The following NSD1 variants were observed in gnomAD, a reference collection of about 807,000 sequenced individuals.
The protein encoded by NSD1 is histone-lysine N-methyltransferase, H3 lysine-36 specific.
Under a neutral mutation model 242.7 loss-of-function variants are expected in NSD1, and 26 were observed. The observed-to-expected ratio is 0.11, with a 90% confidence interval of 0.08 to 0.15. The LOEUF is 0.15. Among genes scored for constraint, NSD1 ranks in the 10% least tolerant of loss-of-function variants. The pLI, the probability that NSD1 is intolerant of heterozygous loss-of-function variation, is 1.00. For missense variants in NSD1, 2,495 were observed against 3,272.8 expected (o/e 0.76, Z 5.80); for synonymous variants, 1,106 against 1,178.1 (o/e 0.94, Z 1.25).
intron 11 of NSD1, among the ~76,000 whole-genome samples, chr5:177,249,992 A>G (rs1451653407): frequency 6.6e-6 from 1 of 152,178 alleles, no homozygotes; most frequent in Non-Finnish European, 1.5e-5. Context: ...GGCTGAGGTC[A>G]TTGGATCACC....
At chr5:177,226,834 A>G (rs1016540873) in intron 5 of NSD1, among the ~76,000 whole-genome samples, 8 of 152,248 alleles carry the variant, frequency 5.3e-5, no homozygotes, top group East Asian at 3.9e-4. Context: ...TGAGTAAAGT[A>G]TGAAATTTTG....
intron 20 of NSD1, among the ~76,000 whole-genome samples, chr5:177,284,454 T>G (rs1418150195): frequency 1.3e-5 from 2 of 151,980 alleles, no homozygotes; most frequent in Non-Finnish European, 2.9e-5. Flanking sequence ...TTTTGTTTTT[T>G]GTTTTTTTTT....
chr5:177,205,528 G>T (rs1282180382), intron 4 of NSD1, among the ~76,000 whole-genome samples: 1 of 150,494 alleles, frequency 6.6e-6, no homozygotes, highest in Non-Finnish European at 1.5e-5. Context: ...TTTTTATTGT[G>T]TTAAAATATA....
In NSD1 at chr5:177,294,039, C is replaced by T. The variant is rs2127279719; in HGVS notation, c.6671C>T (p.Pro2224Leu). 1 of 1,614,092 alleles carries T rather than the reference C, an allele frequency of 6.2e-7. No homozygotes were observed. The highest frequency in any genetic ancestry group is 1.1e-5 in the South Asian group (1 of 91,082). Residue 2224 changes from proline (P) to leucine (L), a missense_variant, in exon 23 of 23, where the codon CCC becomes CTC. Physicochemically the swap from Pro to Leu is moderately conservative, Grantham distance 98. This residue lies in a region of NSD1 where 475 missense variants were observed against 563.7 expected (regional missense o/e 0.84). Transcript: ENST00000439151. ...GGGGAGATCCGTGAGTATGTGCCTC[C>T]CCCAGTACCGCTGCCTCCAGGGCCA... ...EPGEIREYVPPPVPLPPGPST... is the reference protein window; with the variant it reads ...EPGEIREYVPLPVPLPPGPST...
chr5:177,251,637 T>G, intron 11 of NSD1, 93 bp from the exon 12 acceptor site: 1 of 1,370,252 alleles, frequency 7.3e-7, no homozygotes, highest in Non-Finnish European at 1.0e-6. Flanking sequence ...TTCTGCCACT[T>G]TTAACCTTTG....
Position 177,210,070 on chromosome 5 carries a change from C to T in NSD1, c.1671C>T (p.Ser557=), listed in dbSNP as rs1254837934. The T allele has an allele frequency of 6.2e-7, 1 of 1,613,826 alleles. No individual in the cohort carries two copies. Among genetic ancestry groups the T allele is most frequent in the South Asian group, 1.1e-5 (1 of 91,026 alleles). The change falls in exon 5 of 23, where the codon AGC becomes AGT. Residue 557 remains serine, a synonymous_variant. Coordinates refer to ENST00000439151, the MANE Select transcript of NSD1 (RefSeq NM_022455.5). ...ASNELSRIAN[S]LTGSNTAPGS... is the part of the protein sequence containing the mutation. Reference sequence around the variant, plus strand: ...ATGAACTTTCCAGGATAGCAAATAGCCTCACAGGGTCCAACACTGCCCCAG... The same window carrying T: ...ATGAACTTTCCAGGATAGCAAATAGTCTCACAGGGTCCAACACTGCCCCAG...
intron 17 of NSD1, among the ~76,000 whole-genome samples, chr5:177,275,123 A>C (rs1758262414): frequency 6.6e-6 from 1 of 151,362 alleles, no homozygotes; most frequent in Admixed American, 6.6e-5. Flanking sequence ...AGTTTGTCTC[A>C]AATATTGGAT....
At chr5:177,138,838 C>T (rs907174683) in intron 2 of NSD1, among the ~76,000 whole-genome samples, 2 of 150,570 alleles carry the variant, frequency 1.3e-5, no homozygotes, top group African/African-American at 4.9e-5. Context: ...GGGGTTTTAC[C>T]ATGTTGGCCC....
chr5:177,227,407 C>A (rs1764711887), intron 5 of NSD1, among the ~76,000 whole-genome samples: 1 of 152,000 alleles, frequency 6.6e-6, no homozygotes. Flanking sequence ...TACTTTCTGG[C>A]AGGATGATAA....
chr5:177,200,603 T>C (rs1040064506), intron 3 of NSD1, among the ~76,000 whole-genome samples: 11 of 152,176 alleles, frequency 7.2e-5, no homozygotes, highest in African/African-American at 2.7e-4. Flanking sequence ...TCTGTGTTTT[T>C]TTTCCTTATA....
chr5:177,196,076 C>G (rs1762083077), intron 3 of NSD1, among the ~76,000 whole-genome samples: 1 of 152,114 alleles, frequency 6.6e-6, no homozygotes, highest in Non-Finnish European at 1.5e-5. Flanking sequence ...AAAGTTATCT[C>G]TGATCTGTTA....
Position 177,219,482 on chromosome 5 carries a change from G to A in NSD1, c.3796+7287G>A, listed in dbSNP as rs866612656. ...TTACAGGCGTGAGCCACCGCGCCCG[G>A]CCCTGTCAAAAGATATTTTCAAATT... is the stretch of plus-strand genomic sequence containing the variant. On this transcript the variant is annotated intron_variant, in intron 5 of 22. Coordinates refer to ENST00000439151, the MANE Select transcript of NSD1 (RefSeq NM_022455.5). 3.3e-5 allele frequency among the ~76,000 whole-genome samples: 5 copies of A among 152,262 alleles called. No individual in the cohort carries two copies. The East Asian group carries it at 7.7e-4, about 24-fold the overall frequency.
At chr5:177,185,746 TA>T (rs1562171047) in intron 2 of NSD1, among the ~76,000 whole-genome samples, 4 of 101,876 alleles carry the variant, frequency 3.9e-5, no homozygotes, top group African/African-American at 1.6e-4. Flanking sequence ...TTTTATATAT[TA>T]TATATAATAT....
intron 13 of NSD1, among the ~76,000 whole-genome samples, chr5:177,258,142 C>T (rs557292734): frequency 8.6e-5 from 13 of 151,314 alleles, no homozygotes; most frequent in African/African-American, 2.7e-4. Flanking sequence ...CACCATGCCT[C>T]GCTAATTTTG....
rs189068976 is a variant in NSD1 at position 177,221,970 on chromosome 5, G to A, written c.3796+9775G>A. Among the ~76,000 whole-genome samples the A allele has an allele frequency of 4.2e-4, 63 of 151,650 alleles. 2 individuals are homozygous for A. In the East Asian group the frequency reaches 6.2e-3, roughly 15 times the overall value. On this transcript the variant is annotated intron_variant, in intron 5 of 22. Transcript: ENST00000439151. ...GACTACAGGGTTGTGCCACTATGCC[G>A]AGCTGAGTTTTTTGTATTTTTGTGG...
At position 177,154,212 on chromosome 5, in the gene NSD1, A is replaced by G. The variant is rs1425321749; in HGVS notation, c.927+18182A>G. ...GGAGTGAGTGATCCAAGAGACAGGG[A>G]CAGACCAAGCAGGAAGATGCAGTAA... On this transcript the variant is annotated intron_variant, in intron 2 of 22. Transcript: ENST00000439151. Among the ~76,000 whole-genome samples the G allele has an allele frequency of 3.9e-5, 6 of 151,914 alleles. No homozygotes were observed. In the South Asian group the frequency reaches 6.2e-4, roughly 16 times the overall value.
chr5:177,295,997 T>C lies in NSD1; in HGVS notation c.*538T>C. The C allele has an allele frequency of 3.9e-6, 1 of 259,146 alleles. No individual in the cohort carries two copies. Among genetic ancestry groups the C allele is most frequent in the East Asian group, 5.4e-5 (1 of 18,662 alleles). The allele number at this position is 259,146 out of a possible 1,614,324, so 16.1% of individuals were successfully genotyped here. A position where few individuals can be genotyped will look rare whatever the true frequency, so the allele number is the denominator to read the frequency against. On this transcript the variant is annotated 3_prime_UTR_variant, in exon 23 of 23. Coordinates refer to ENST00000439151, the MANE Select transcript of NSD1 (RefSeq NM_022455.5). This position sits in a 1 kb window ranked among gnomAD's most constrained non-coding sequence, Gnocchi z 4.3. ...TGGATTCCAAGGCTTTCAGGAACCT[T>C]TGACCAGGAAGTAACAGGAAGTTCT...
chr5:177,135,747 C>G lies in NSD1; in HGVS notation c.644C>G (p.Pro215Arg). The G allele has an allele frequency of 6.2e-7, 1 of 1,614,062 alleles. No homozygotes were observed. Among genetic ancestry groups the G allele is most frequent in the Non-Finnish European group, 8.5e-7 (1 of 1,180,012 alleles). The stretch of plus-strand genomic sequence containing the variant: ...ATGGGAAGTGAACAAGACAGCACAC[C>G]AGAGAGTAGACACGGTGCAGTCAAA... The part of the protein sequence containing the change: ...VAMGSEQDST[P>R]ESRHGAVKSP... The change falls in exon 2 of 23, where the codon CCA becomes CGA. Residue 215 changes from proline to arginine, a missense_variant. Coordinates refer to ENST00000439151, the MANE Select transcript of NSD1 (RefSeq NM_022455.5).
At chr5:177,158,132 C>G (rs573084574) in intron 2 of NSD1, among the ~76,000 whole-genome samples, 48 of 152,170 alleles carry the variant, frequency 3.2e-4, no homozygotes, top group African/African-American at 1.1e-3. Context: ...GTGGTATTGT[C>G]GGATCATAGG....
Sources: allele counts gnomAD v4.1 joint callset (sites outside exome capture counted in the v4.1 genomes callset), GRCh38; gene constraint gnomAD v4.1.1; regional missense constraint gnomAD v4.1.1; non-coding constraint Gnocchi (gnomAD v3.1); transcripts MANE v1.5; gene names NCBI Gene and HGNC (gene_info 2026-07-23, HGNC 2026-07-21).